The following ACTR3C variants were observed in gnomAD, a reference collection of about 807,000 sequenced individuals.
ACTR3C encodes the protein actin-related protein 3C.
In ACTR3C, 18 loss-of-function variants were observed where a neutral mutation model predicts 26.3. That is an observed-to-expected ratio of 0.68 (90% CI 0.47 to 1.01). ACTR3C has a LOEUF of 1.01. Ranked by LOEUF, ACTR3C falls within the 50% of genes least tolerant of loss-of-function variation. The probability of loss-of-function intolerance (pLI) is 0.00; values close to 1 mark genes in which losing one functional copy is unlikely to be tolerated. For synonymous variants in ACTR3C, 55 were observed against 94.5 expected, an observed-to-expected ratio of 0.58 and a Z score of 2.42; for missense variants, 184 against 250.7, an observed-to-expected ratio of 0.73 and a Z score of 1.80.
At chr7:149,937,081 C>T in the ACTR3C span, among the ~76,000 whole-genome samples, 3 of 152,084 alleles carry the variant, frequency 2.0e-5, no homozygotes, top group Admixed American at 6.5e-5. Flanking sequence ...TGAGACACTG[C>T]GACTGGCCAT....
chr7:150,036,312 A>T, the ACTR3C span, among the ~76,000 whole-genome samples: 4,660 of 101,282 alleles, frequency 0.046, 5 homozygotes, highest in Admixed American at 0.05. Context: ...CAAGGCCCTC[A>T]AATAGGGGGG....
At chr7:150,063,143 C>T in the ACTR3C span, among the ~76,000 whole-genome samples, 1 of 147,308 alleles carries the variant, frequency 6.8e-6, no homozygotes, top group Non-Finnish European at 1.5e-5. Flanking sequence ...CTTATATATA[C>T]CAGTGGTATT....
At chr7:149,938,662 T>C in the ACTR3C span, among the ~76,000 whole-genome samples, 1 of 152,080 alleles carries the variant, frequency 6.6e-6, no homozygotes, top group African/African-American at 2.4e-5. Flanking sequence ...TGGGTAGTTA[T>C]TGAGATAGAA....
the ACTR3C span, among the ~76,000 whole-genome samples, chr7:149,945,903 C>T: frequency 7.2e-5 from 11 of 152,112 alleles, no homozygotes; most frequent in Non-Finnish European, 1.3e-4. Context: ...GACAAGATCA[C>T]GGAGTCCCGG....
the ACTR3C span, among the ~76,000 whole-genome samples, chr7:150,017,880 C>T: frequency 6.7e-6 from 1 of 150,360 alleles, no homozygotes; most frequent in Non-Finnish European, 1.5e-5. Flanking sequence ...TCAATAGCTC[C>T]CACCCTTCAT....
the ACTR3C span, among the ~76,000 whole-genome samples, chr7:150,012,212 CTTTA>C: frequency 6.7e-6 from 1 of 150,118 alleles, no homozygotes; most frequent in Admixed American, 6.6e-5. Context: ...CTTTTTTTTT[CTTTA>C]TTCTTTCCCT....
the ACTR3C span, among the ~76,000 whole-genome samples, chr7:150,016,371 G>A: frequency 3.3e-5 from 5 of 152,092 alleles, no homozygotes; most frequent in African/African-American, 9.7e-5. Context: ...TTTACATAAA[G>A]AGAGCAGAAG....
intron 6 of ACTR3C, among the ~76,000 whole-genome samples, chr7:150,260,301 C>A (rs1278690272): frequency 6.6e-6 from 1 of 152,052 alleles, no homozygotes; most frequent in African/African-American, 2.4e-5. Context: ...AAAATTAGCA[C>A]ACAAAAATGG....
chr7:149,893,908 T>G, the ACTR3C span, among the ~76,000 whole-genome samples: 2 of 152,178 alleles, frequency 1.3e-5, no homozygotes, highest in African/African-American at 4.8e-5. Context: ...ACCAATGGCA[T>G]CCTTCACAGA....
At chr7:150,031,626 C>T in the ACTR3C span, among the ~76,000 whole-genome samples, 2 of 152,146 alleles carry the variant, frequency 1.3e-5, no homozygotes, top group Non-Finnish European at 2.9e-5. Context: ...GCTCTAGGGG[C>T]TGAGTGACAG....
the ACTR3C span, among the ~76,000 whole-genome samples, chr7:149,970,860 T>A: frequency 2.6e-5 from 4 of 152,200 alleles, no homozygotes; most frequent in African/African-American, 7.2e-5. Context: ...TGATTCAGTA[T>A]CCCAAGGAGG....
At chr7:149,928,808 A>C in the ACTR3C span, among the ~76,000 whole-genome samples, 1 of 151,718 alleles carries the variant, frequency 6.6e-6, no homozygotes, top group African/African-American at 2.4e-5. Flanking sequence ...ACACCACTGC[A>C]CTTCAGCCTG....
At chr7:150,177,649 A>G in the ACTR3C span, among the ~76,000 whole-genome samples, 1 of 150,882 alleles carries the variant, frequency 6.6e-6, no homozygotes, top group East Asian at 1.9e-4. Context: ...CTCACTTATT[A>G]TTCATTATAC....
At chr7:150,243,764 A>G (rs2129608608), downstream of ACTR3C, among the ~76,000 whole-genome samples, 1 of 152,216 alleles carries the variant, frequency 6.6e-6, no homozygotes, top group Middle Eastern at 3.4e-3. Flanking sequence ...GGAAATACAA[A>G]AAAAGTCTGT....
chr7:149,997,338 A>G, the ACTR3C span, among the ~76,000 whole-genome samples: 1 of 152,094 alleles, frequency 6.6e-6, no homozygotes, highest in South Asian at 2.1e-4. Flanking sequence ...GACCCTCTAT[A>G]TTCATTCCCT....
the ACTR3C span, among the ~76,000 whole-genome samples, chr7:150,118,140 G>A: frequency 6.6e-5 from 10 of 152,210 alleles, no homozygotes; most frequent in African/African-American, 9.6e-5. Flanking sequence ...AAACCAGCGC[G>A]AAAAGGCTGA....
intron 6 of ACTR3C, among the ~76,000 whole-genome samples, chr7:150,278,730 G>A (rs749021371): frequency 2.0e-5 from 3 of 152,176 alleles, no homozygotes; most frequent in Non-Finnish European, 4.4e-5. Flanking sequence ...ACAAAATCAT[G>A]CCATTTGGGG....
At chr7:150,174,997 A>T in the ACTR3C span, among the ~76,000 whole-genome samples, 2 of 146,542 alleles carry the variant, frequency 1.4e-5, no homozygotes, top group African/African-American at 5.5e-5. Flanking sequence ...TGATGAGGTG[A>T]TTCTAAAATT....
At chr7:150,263,843 A>G (rs1833832918) in intron 6 of ACTR3C, among the ~76,000 whole-genome samples, 1 of 152,240 alleles carries the variant, frequency 6.6e-6, no homozygotes, top group East Asian at 1.9e-4. Flanking sequence ...CTAAATAGCA[A>G]TTCTATTTGT....
Sources: gnomAD v4.1 joint callset for allele counts (sites outside exome capture counted in the v4.1 genomes callset) on GRCh38, gnomAD v4.1.1 for gene constraint, MANE v1.5 for transcripts, NCBI Gene and HGNC (gene_info 2026-07-23, HGNC 2026-07-21) for gene names.